The following USH2A variants were observed in gnomAD, a reference collection of about 807,000 sequenced individuals.
USH2A encodes the protein usherin.
Under a neutral mutation model 538.9 loss-of-function variants are expected in USH2A, and 443 were observed. The observed-to-expected ratio is 0.82, with a 90% CI of 0.76 to 0.89. The LOEUF (loss-of-function observed/expected upper bound fraction) is 0.89. USH2A is among the 40% of genes least tolerant of loss of function. The probability of loss-of-function intolerance (pLI) is 0.00; values close to 1 mark genes in which losing one functional copy is unlikely to be tolerated. For synonymous variants in USH2A, 2,413 were observed against 2,273.5 expected (o/e 1.06, Z -1.75); for missense variants, 6,633 against 6,324.8 (o/e 1.05, Z -1.65).
At chr1:216,021,638 G>T (rs1267163207) in intron 32 of USH2A, among the ~76,000 whole-genome samples, 1 of 152,116 alleles carries the variant, frequency 6.6e-6, no homozygotes, top group Admixed American at 6.6e-5. Context: ...GCAGACTTCA[G>T]ATTTTAGATT....
chr1:216,228,706 A>C (rs973171922), intron 14 of USH2A, among the ~76,000 whole-genome samples: 1 of 152,076 alleles, frequency 6.6e-6, no homozygotes, highest in African/African-American at 2.4e-5. Flanking sequence ...GCCCAGTCTC[A>C]GGTATGTCTT....
intron 55 of USH2A, among the ~76,000 whole-genome samples, chr1:215,771,216 G>A (rs1042325085): frequency 1.3e-5 from 2 of 151,840 alleles, no homozygotes; most frequent in African/African-American, 4.8e-5. Context: ...AGAGCAACTG[G>A]GTTAGGCTTC....
chr1:216,338,030 AG>A (rs370133899), intron 4 of USH2A, among the ~76,000 whole-genome samples: 298 of 151,582 alleles, frequency 2.0e-3, no homozygotes, highest in African/African-American at 7.0e-3. Flanking sequence ...CTAAATAAAT[AG>A]AATGATATAC....
chr1:216,034,044 G>C lies in USH2A; in HGVS notation c.6325+12387C>G, dbSNP rs1669188551. Among the ~76,000 whole-genome samples, 13 of 152,176 alleles carry C rather than the reference G, an allele frequency of 8.5e-5. No individual in the cohort carries two copies. The South Asian group carries it at 2.5e-3, about 29-fold the overall frequency. On this transcript the variant is annotated intron_variant, in intron 32 of 71. Coordinates refer to ENST00000307340, the MANE Select transcript of USH2A (RefSeq NM_206933.4). ...GTTGGAGTAAAAACACTTGTAGCAG[G>C]AGTGCCCAATATGCAGTGAGAAAAA...
chr1:216,224,962 A>G (rs985105771), intron 14 of USH2A, among the ~76,000 whole-genome samples: 1 of 152,126 alleles, frequency 6.6e-6, no homozygotes, highest in African/African-American at 2.4e-5. Context: ...AAACATTTCT[A>G]TTTGTAATAA....
intron 37 of USH2A, among the ~76,000 whole-genome samples, chr1:215,959,716 C>G (rs1176363571): frequency 6.6e-6 from 1 of 151,984 alleles, no homozygotes; most frequent in South Asian, 2.1e-4. Flanking sequence ...TTCTGTGGCA[C>G]AGCACAAAAT....
chr1:216,160,522 A>G (rs559931045), intron 21 of USH2A, among the ~76,000 whole-genome samples: 4 of 152,156 alleles, frequency 2.6e-5, no homozygotes, highest in African/African-American at 9.6e-5. Context: ...CTGTAATCCT[A>G]ACACTTTGGG....
chr1:215,895,547 C>T (rs570646518), intron 40 of USH2A, among the ~76,000 whole-genome samples: 1 of 152,240 alleles, frequency 6.6e-6, no homozygotes, highest in Non-Finnish European at 1.5e-5. Context: ...TGTCTTACTC[C>T]AGAAGAACCT....
At chr1:215,635,514 A>C (rs1656449084) in intron 69 of USH2A, among the ~76,000 whole-genome samples, 1 of 150,602 alleles carries the variant, frequency 6.6e-6, no homozygotes, top group African/African-American at 2.4e-5. Context: ...ACAGGGATGA[A>C]GGGTGGGTAG....
At chr1:216,026,615 C>T (rs11120721) in intron 32 of USH2A, among the ~76,000 whole-genome samples, 28,336 of 152,058 alleles carry the variant, frequency 0.19, 3,088 homozygotes, top group African/African-American at 0.31. Flanking sequence ...AATTAATTCT[C>T]CCCTTCATTC....
In USH2A at chr1:216,421,941, G is replaced by A. The variant is rs1332733047; in HGVS notation, c.396C>T (p.His132=). 6.2e-7 allele frequency: 1 copy of A among 1,613,948 alleles called. No homozygotes were observed. Among genetic ancestry groups the A allele is most frequent in the South Asian group, 1.1e-5 (1 of 91,086 alleles). ...SNSASFIFGN[H]KSCFSSPPSP... is the part of the protein sequence containing the mutation. ...AAGGAGGAGAAGAAAAGCAGCTCTT[G>A]TGATTTCCAAAAATAAAACTTGCAG... Residue 132 remains histidine (H), a synonymous_variant, in exon 2 of 72, where the codon CAC becomes CAT. Coordinates refer to ENST00000307340, the MANE Select transcript of USH2A (RefSeq NM_206933.4).
intron 44 of USH2A, among the ~76,000 whole-genome samples, chr1:215,853,620 C>T (rs1215641785): frequency 6.6e-6 from 1 of 152,198 alleles, no homozygotes; most frequent in Non-Finnish European, 1.5e-5. Context: ...CCTTATAAAA[C>T]TGAATGCCTT....
At chr1:215,921,073 G>A (rs1464816192) in intron 38 of USH2A, among the ~76,000 whole-genome samples, 1 of 151,918 alleles carries the variant, frequency 6.6e-6, no homozygotes, top group Non-Finnish European at 1.5e-5. Flanking sequence ...ACAAATATAA[G>A]TTTTCTTGCT....
chr1:215,768,209 A>G (rs1415594339), intron 55 of USH2A, among the ~76,000 whole-genome samples: 1 of 152,102 alleles, frequency 6.6e-6, no homozygotes, highest in Non-Finnish European at 1.5e-5. Flanking sequence ...AGAGCCTTCA[A>G]CCGTCTCTGA....
intron 32 of USH2A, among the ~76,000 whole-genome samples, chr1:216,041,633 A>G (rs2030280607): frequency 6.6e-6 from 1 of 152,072 alleles, no homozygotes; most frequent in Non-Finnish European, 1.5e-5. Context: ...GATATTGTAG[A>G]GGGTAAAACA....
chr1:216,292,326 T>C lies in USH2A; in HGVS notation c.1689A>G (p.Gln563=). The C allele has an allele frequency of 6.2e-7, 1 of 1,614,076 alleles. No homozygotes were observed. The highest frequency in any genetic ancestry group is 2.2e-5 in the East Asian group (1 of 44,838). ...AATTGAAAGCGTAAACTTGATCACC[T>C]TGGCGGAAAGGCTTGTCATTATAAA... The part of the protein sequence containing the change: ...LPLYNDKPFR[Q]GDQVYAFNCK... The change falls in exon 10 of 72, where the codon CAA becomes CAG. Residue 563 remains glutamine (Q), a synonymous_variant. Transcript: ENST00000307340.
In USH2A at chr1:215,858,166, T is replaced by C. The variant is rs143446694; in HGVS notation, c.8845+8841A>G. Reference sequence around the variant, plus strand: ...TGTGAGATTATGTTAAATATGTGTATATTGGGATATATTTTCTCAGATATT... The same window carrying C: ...TGTGAGATTATGTTAAATATGTGTACATTGGGATATATTTTCTCAGATATT... On this transcript the variant is annotated intron_variant, in intron 44 of 71. Transcript: ENST00000307340. Among the ~76,000 whole-genome samples the C allele has an allele frequency of 1.6e-3, 244 of 152,210 alleles. 4 individuals carry two copies. Among genetic ancestry groups the C allele is most frequent in the Middle Eastern group, 6.8e-3 (2 of 294 alleles).
Position 215,845,838 on chromosome 1 carries a change from G to A in USH2A, c.9041C>T (p.Thr3014Ile), listed in dbSNP as rs144892841. The change falls in exon 45 of 72, where the codon ACC (threonine) becomes ATC (isoleucine). Residue 3014 changes from threonine to isoleucine, a missense_variant. By Grantham distance (89) the Thr-to-Ile change is moderately conservative. Coordinates refer to ENST00000307340, the MANE Select transcript of USH2A (RefSeq NM_206933.4). ...TCTGGACTCACCCCCATCGCAAGTG[G>A]TTGCATGAAGTCCTGCACTGTTGAT... ...HSINSAGLHA[T>I]TCDGEPQGML... is the part of the protein sequence containing the mutation. 6.2e-7 allele frequency: 1 copy of A among 1,613,550 alleles called. No homozygotes were observed. The highest frequency in any genetic ancestry group is 1.3e-5 in the African/African-American group (1 of 74,892).
intron 61 of USH2A, among the ~76,000 whole-genome samples, chr1:215,700,140 C>A (rs921658948): frequency 3.9e-5 from 6 of 152,172 alleles, no homozygotes; most frequent in African/African-American, 1.2e-4. Flanking sequence ...ACCAGCCTTG[C>A]ATCCCAGGGA....
Sources: gnomAD v4.1 joint callset for allele counts (sites outside exome capture counted in the v4.1 genomes callset) on GRCh38, gnomAD v4.1.1 for gene constraint, MANE v1.5 for transcripts, NCBI Gene and HGNC (gene_info 2026-07-23, HGNC 2026-07-21) for gene names.